The following CFAP20DC variants were observed in gnomAD, a reference collection of about 807,000 sequenced individuals.
The protein encoded by CFAP20DC is protein CFAP20DC.
A neutral mutation model predicts 101.7 loss-of-function variants in CFAP20DC; 84 were observed. The observed-to-expected ratio is 0.83, with a 90% CI of 0.69 to 0.99. The LOEUF (loss-of-function observed/expected upper bound fraction) is 0.99, where lower values mean the gene tolerates loss of function less well. CFAP20DC is among the 50% of genes least tolerant of loss of function. CFAP20DC has a pLI of 0.00. For synonymous variants in CFAP20DC, 359 were observed against 351.2 expected (o/e 1.02, Z -0.25); for missense variants, 1,007 against 970.3 (o/e 1.04, Z -0.50).
chr3:58,975,004 G>A (rs2092191489), intron 4 of CFAP20DC, among the ~76,000 whole-genome samples: 1 of 152,162 alleles, frequency 6.6e-6, no homozygotes, highest in South Asian at 2.1e-4. Flanking sequence ...CTTCCCTACT[G>A]AGGTTAGTAG....
chr3:58,835,132 T>C (rs1344037123), intron 13 of CFAP20DC, among the ~76,000 whole-genome samples: 1 of 152,114 alleles, frequency 6.6e-6, no homozygotes, highest in Non-Finnish European at 1.5e-5. Context: ...CTGTAAATGC[T>C]AGGAACTGGG....
chr3:59,017,698 T>TATC (rs1481731993), intron 4 of CFAP20DC: 1 of 152,074 alleles, frequency 6.6e-6, no homozygotes, highest in Admixed American at 6.6e-5. Context: ...CTTGTGAGAG[T>TATC]ATCAGTTAGG....
chr3:58,751,525 TGA>T, intron 16 of CFAP20DC, among the ~76,000 whole-genome samples: 1 of 152,168 alleles, frequency 6.6e-6, no homozygotes, highest in Non-Finnish European at 1.5e-5. Flanking sequence ...GGCTGAGGGC[TGA>T]CAGGTGACCA....
At position 59,002,281 on chromosome 3, in the gene CFAP20DC, T is replaced by C. The variant is rs1182894184; in HGVS notation, c.278+37276A>G. ...GTGGCACACACACATGCTGAATAAT[T>C]AGCTTCCCTCCTAAGGGATACATGA... On this transcript the variant is annotated intron_variant, in intron 4 of 16. Coordinates refer to ENST00000482387, the MANE Select transcript of CFAP20DC (RefSeq NM_001394063.1). This position sits in a 1 kb window ranked among gnomAD's most constrained non-coding sequence, Gnocchi z 4.5. 1.3e-5 allele frequency among the ~76,000 whole-genome samples: 2 copies of C among 152,324 alleles called. No homozygotes were observed. Among genetic ancestry groups the C allele is most frequent in the Non-Finnish European group, 2.9e-5 (2 of 68,024 alleles).
At chr3:58,801,653 G>C (rs924361608) in intron 15 of CFAP20DC, among the ~76,000 whole-genome samples, 2 of 151,998 alleles carry the variant, frequency 1.3e-5, no homozygotes, top group Non-Finnish European at 2.9e-5. Context: ...ATACCACCGT[G>C]GTCAGTCTGG....
chr3:58,942,891 A>G (rs1386659442), intron 4 of CFAP20DC, among the ~76,000 whole-genome samples: 1 of 152,206 alleles, frequency 6.6e-6, no homozygotes, highest in East Asian at 1.9e-4. Context: ...TGGTGGGGGA[A>G]GCGGCGTCTG....
chr3:58,801,055 G>GAC (rs1215970153), intron 15 of CFAP20DC, among the ~76,000 whole-genome samples: 6 of 151,598 alleles, frequency 4.0e-5, no homozygotes. Flanking sequence ...GTAAGTGAGA[G>GAC]AGAGAGAGAG....
intron 4 of CFAP20DC, among the ~76,000 whole-genome samples, chr3:58,950,202 C>G (rs576444356): frequency 6.6e-6 from 1 of 151,584 alleles, no homozygotes; most frequent in South Asian, 2.1e-4. Context: ...TACCTAGGAT[C>G]CAACTTACAA....
intron 15 of CFAP20DC, among the ~76,000 whole-genome samples, chr3:58,772,764 T>C (rs55883709): frequency 0.1 from 15,354 of 152,158 alleles, 1,338 homozygotes; most frequent in East Asian, 0.35. Context: ...AAGTAGAATG[T>C]TGTCAATCTA....
At chr3:58,898,467 A>G (rs903057485) in intron 6 of CFAP20DC, among the ~76,000 whole-genome samples, 1 of 152,176 alleles carries the variant, frequency 6.6e-6, no homozygotes, top group African/African-American at 2.4e-5. Context: ...TAGCCACTGT[A>G]ACTGGCCTGC....
rs146526372 is a variant in CFAP20DC at position 58,859,065 on chromosome 3, A to T, written c.1593+4493T>A. Among the ~76,000 whole-genome samples the T allele has an allele frequency of 6.6e-6, 1 of 152,182 alleles. No individual in the cohort carries two copies. Among genetic ancestry groups the T allele is most frequent in the African/African-American group, 2.4e-5 (1 of 41,458 alleles). Reference sequence around the variant, plus strand: ...TGTAGCAAATGATGAAAGTAATACAATTTCCTCTGGGTGACAAAGATAAGT... The same window carrying T: ...TGTAGCAAATGATGAAAGTAATACATTTTCCTCTGGGTGACAAAGATAAGT... On this transcript the variant is annotated intron_variant, in intron 12 of 16. Transcript: ENST00000482387. The surrounding 1 kb of genome is among the most constrained non-coding windows in gnomAD (Gnocchi z 4.1).
chr3:58,720,684 A>T (rs559040468), intron 3 of CFAP20DC, among the ~76,000 whole-genome samples: 40 of 152,326 alleles, frequency 2.6e-4, no homozygotes, highest in African/African-American at 9.4e-4. Context: ...CTCGGACTAT[A>T]ATCTCACTAT....
At chr3:58,911,063 A>G (rs1234150260) in intron 6 of CFAP20DC, among the ~76,000 whole-genome samples, 4 of 152,134 alleles carry the variant, frequency 2.6e-5, no homozygotes, top group Non-Finnish European at 5.9e-5. Context: ...GGAAACTATA[A>G]AAAAGAACCA....
In CFAP20DC at chr3:58,742,547, C is replaced by G; in HGVS notation, c.2358G>C (p.Glu786Asp). The G allele has an allele frequency of 1.2e-6, 2 of 1,604,520 alleles. No individual in the cohort carries two copies. Among genetic ancestry groups the G allele is most frequent in the Non-Finnish European group, 1.7e-6 (2 of 1,175,320 alleles). Residue 786 changes from glutamate (E) to aspartate (D), a missense_variant, in exon 17 of 17, where the codon GAG (glutamate) becomes GAC (aspartate). By Grantham distance (45) the Glu-to-Asp change is conservative. Transcript: ENST00000482387. ...ACAACAAAGTCAGTACTTCCTCGTC[C>G]TCTTCCACACTGAGGTCTTCTTCAC... ...VQGEEDLSVE[E>D]DEEVLTLLYD...
chr3:58,798,487 G>T (rs1182616640), intron 15 of CFAP20DC, among the ~76,000 whole-genome samples: 1 of 152,228 alleles, frequency 6.6e-6, no homozygotes, highest in Non-Finnish European at 1.5e-5. Context: ...AAAGAAAGTG[G>T]TTTCTTGAAA....
chr3:58,960,450 C>T (rs1576492925), intron 4 of CFAP20DC, among the ~76,000 whole-genome samples: 1 of 151,222 alleles, frequency 6.6e-6, no homozygotes, highest in South Asian at 2.1e-4. Context: ...CGAGATCACA[C>T]CACTGCACTC....
chr3:58,754,155 T>C (rs2068763518), intron 15 of CFAP20DC, among the ~76,000 whole-genome samples: 1 of 152,192 alleles, frequency 6.6e-6, no homozygotes, highest in Non-Finnish European at 1.5e-5. Context: ...CATAAGAAAT[T>C]ATTTCAATAA....
chr3:58,945,475 C>G (rs549097223), intron 4 of CFAP20DC, among the ~76,000 whole-genome samples: 104 of 152,230 alleles, frequency 6.8e-4, no homozygotes, highest in African/African-American at 2.2e-3. Context: ...AAGCTCTGAT[C>G]CAATGATTAT....
Position 58,831,773 on chromosome 3 carries a change from G to C in CFAP20DC, c.2088C>G (p.Gly696=), listed in dbSNP as rs1286509931. The part of the protein sequence containing the change: ...EELEDAGTSH[G]LSASQVDNCN... ...AGTTGTCCACCTGGGAGGCACTCAG[G>C]CCATGGGAGGTCCCAGCATCCTCCA... Residue 696 remains glycine (G), a synonymous_variant, in exon 14 of 17, where the codon GGC becomes GGG. Transcript: ENST00000482387. 1.2e-6 allele frequency: 2 copies of C among 1,614,064 alleles called. No individual in the cohort carries two copies. Among genetic ancestry groups the C allele is most frequent in the Non-Finnish European group, 1.7e-6 (2 of 1,179,972 alleles).
Sources: allele counts gnomAD v4.1 joint callset (sites outside exome capture counted in the v4.1 genomes callset), GRCh38; gene constraint gnomAD v4.1.1; non-coding constraint Gnocchi (gnomAD v3.1); transcripts MANE v1.5; gene names NCBI Gene and HGNC (gene_info 2026-07-23, HGNC 2026-07-21).